Variants in AFDN observed in about 807,000 individuals in gnomAD.
AFDN encodes afadin, adherens junction formation factor.
A neutral mutation model predicts 216.6 loss-of-function variants in AFDN; 68 were observed. The observed-to-expected ratio is 0.31, with a 90% CI of 0.26 to 0.38. The LOEUF is 0.38. Among genes scored for constraint, AFDN ranks in the 10% least tolerant of loss-of-function variants. The pLI, the probability that AFDN is intolerant of heterozygous loss-of-function variation, is 1.00. For missense variants in AFDN, 2,136 were observed against 2,342.0 expected (o/e 0.91, Z 1.82); for synonymous variants, 868 against 853.7 (o/e 1.02, Z -0.29).
intron 31 of AFDN, chr6:167,964,036 A>G (rs1797291291): frequency 1.9e-6 from 2 of 1,064,330 alleles, no homozygotes; most frequent in Non-Finnish European, 2.3e-6. Context: ...ACGGCAGCAC[A>G]GTGCACATGC....
At chr6:167,968,902 A>C (rs1362733165) in intron 32 of AFDN, 1 of 524,464 alleles carries the variant, frequency 1.9e-6, no homozygotes, top group Non-Finnish European at 3.4e-6. Context: ...TCAACATTTT[A>C]GCACCTTTTG....
intron 12 of AFDN, among the ~76,000 whole-genome samples, chr6:167,905,694 G>C (rs965402321): frequency 6.6e-6 from 1 of 151,736 alleles, no homozygotes; most frequent in Non-Finnish European, 1.5e-5. Context: ...TAGTATGTAA[G>C]CATATAAACA....
At position 167,902,260 on chromosome 6, in the gene AFDN, C is replaced by T. The variant is rs1789075388; in HGVS notation, c.1581-57C>T. 9 of 1,262,776 alleles carry T rather than the reference C, an allele frequency of 7.1e-6. No homozygotes were observed. In the Admixed American group the frequency reaches 1.0e-4, roughly 14 times the overall value. 78.2% of individuals were successfully genotyped at this position (1,262,776 alleles called of 1,614,324 possible). ...TTCTTCCTTGTGTATTAAGAAGAGA[C>T]TATGCCTGTCATTGGAATGTTATTA... On this transcript the variant is annotated intron_variant, in intron 11 of 33. Transcript: ENST00000683244.
intron 19 of AFDN, among the ~76,000 whole-genome samples, chr6:167,915,663 A>G (rs1278585961): frequency 6.6e-6 from 1 of 152,268 alleles, no homozygotes; most frequent in East Asian, 1.9e-4. Context: ...TTAAGTACTT[A>G]AGCCTGAATA....
At chr6:167,936,142 T>G (rs1793973606) in intron 23 of AFDN, among the ~76,000 whole-genome samples, 2 of 152,376 alleles carry the variant, frequency 1.3e-5, no homozygotes, top group South Asian at 4.1e-4. Context: ...ATACTAAGTC[T>G]CTGCATTTCC....
chr6:167,900,342 A>G (rs1393390962), intron 11 of AFDN, among the ~76,000 whole-genome samples: 1 of 152,154 alleles, frequency 6.6e-6, no homozygotes, highest in Non-Finnish European at 1.5e-5. Flanking sequence ...TTTGATATTG[A>G]TAGTTTGGGA....
rs144607511 is a variant in AFDN at position 167,920,838 on chromosome 6, T to A, written c.2908+1905T>A. On this transcript the variant is annotated intron_variant, in intron 21 of 33. Transcript: ENST00000683244. ...CACTTACTTATTTTCTTAATTCTAA[T>A]CAGGCGTCCTTTTATGTGGAAAACC... is the stretch of plus-strand genomic sequence containing the variant. Among the ~76,000 whole-genome samples, 174 of 152,340 alleles carry A rather than the reference T, an allele frequency of 1.1e-3. 2 individuals carry two copies. Among genetic ancestry groups the A allele is most frequent in the African/African-American group, 4.1e-3 (172 of 41,582 alleles).
chr6:167,862,438 C>T (rs1277430000), intron 1 of AFDN, among the ~76,000 whole-genome samples: 1 of 151,760 alleles, frequency 6.6e-6, no homozygotes, highest in Non-Finnish European at 1.5e-5. Flanking sequence ...TGCAGTGGCG[C>T]GATCTTGGCT....
chr6:167,913,332 A>T, intron 15 of AFDN, 71 bp from the exon 16 acceptor site: 13 of 1,447,466 alleles, frequency 9.0e-6, no homozygotes, highest in East Asian at 2.5e-5. Context: ...TGATTTTTTT[A>T]AACTATCATG....
Position 167,965,897 on chromosome 6 carries a change from C to T in AFDN, c.5109C>T (p.Ser1703=), listed in dbSNP as rs917484315. The T allele has an allele frequency of 4.5e-6, 7 of 1,549,258 alleles. No homozygotes were observed. Among genetic ancestry groups the T allele is most frequent in the South Asian group, 1.2e-5 (1 of 84,026 alleles). ...PPLPRDYEPP[S]PSPAPGAPPP... is the part of the protein sequence containing the mutation. ...TTCCCCGGGACTACGAGCCCCCGTCCCCGTCCCCCGCGCCCGGCGCCCCTC... is the reference window on the plus strand; with the variant it reads ...TTCCCCGGGACTACGAGCCCCCGTCTCCGTCCCCCGCGCCCGGCGCCCCTC... Residue 1703 remains serine, a synonymous_variant, in exon 32 of 34, where the codon TCC becomes TCT. Transcript: ENST00000683244.
At position 167,962,139 on chromosome 6, in the gene AFDN, T is replaced by C. The variant is rs1057159453; in HGVS notation, c.4834-294T>C. Among the ~76,000 whole-genome samples the C allele has an allele frequency of 2.0e-5, 3 of 152,190 alleles. No homozygotes were observed. Among genetic ancestry groups the C allele is most frequent in the African/African-American group, 7.2e-5 (3 of 41,442 alleles). On this transcript the variant is annotated intron_variant, in intron 30 of 33. Coordinates refer to ENST00000683244, the MANE Select transcript of AFDN (RefSeq NM_001386888.1). This position sits in a 1 kb window ranked among gnomAD's most constrained non-coding sequence, Gnocchi z 5.2. ...AACTAAATTTGTTCCAGTAAAAGAA[T>C]TGTGCTTGTTGAATGTGTGAATGTA...
At chr6:167,876,085 T>G (rs1288405921) in intron 5 of AFDN, among the ~76,000 whole-genome samples, 6 of 152,200 alleles carry the variant, frequency 3.9e-5, no homozygotes, top group Non-Finnish European at 8.8e-5. Flanking sequence ...TGTAACACAT[T>G]GAATGCATGG....
chr6:167,867,697 C>T (rs1056938359), intron 2 of AFDN, among the ~76,000 whole-genome samples: 10 of 152,272 alleles, frequency 6.6e-5, no homozygotes, highest in Admixed American at 6.5e-4. Context: ...TCCCAAAGTG[C>T]TGGGATTACA....
At chr6:167,933,405 A>G (rs1272282322) in intron 23 of AFDN, among the ~76,000 whole-genome samples, 1 of 152,232 alleles carries the variant, frequency 6.6e-6, no homozygotes, top group Non-Finnish European at 1.5e-5. Flanking sequence ...TTAGAGAGTC[A>G]GTTTCTCGCA....
Position 167,952,063 on chromosome 6 carries a change from A to G in AFDN, c.4709A>G (p.Glu1570Gly), listed in dbSNP as rs1305810725. ...GACCGGCTGCGCAAGCTCATGCTGGAGTGGCAGTTCCAGAAGAGACTCCAG... is the reference window on the plus strand; with the variant it reads ...GACCGGCTGCGCAAGCTCATGCTGGGGTGGCAGTTCCAGAAGAGACTCCAG... ...ESDRLRKLML[E>G]WQFQKRLQES... is the part of the protein sequence containing the mutation. Residue 1570 changes from glutamate (E) to glycine (G), a missense_variant, in exon 30 of 34, where the codon GAG (glutamate) becomes GGG (glycine). Transcript: ENST00000683244. 1 of 1,614,120 alleles carries G rather than the reference A, an allele frequency of 6.2e-7. No homozygotes were observed. Among genetic ancestry groups the G allele is most frequent in the Non-Finnish European group, 8.5e-7 (1 of 1,180,014 alleles).
intron 26 of AFDN, among the ~76,000 whole-genome samples, chr6:167,945,291 C>T (rs1389174794): frequency 2.0e-5 from 3 of 152,096 alleles, no homozygotes; most frequent in South Asian, 2.1e-4. Context: ...TCTGGTCCCA[C>T]GGGAAGGTCT....
chr6:167,947,791 A>T, intron 27 of AFDN, 62 bp from the exon 28 acceptor site: 1 of 1,075,832 alleles, frequency 9.3e-7, no homozygotes, highest in Non-Finnish European at 1.4e-6. Context: ...AGGAAATTTC[A>T]TGTTATATAT....
intron 1 of AFDN, among the ~76,000 whole-genome samples, chr6:167,837,401 A>C (rs1268476851): frequency 6.7e-6 from 1 of 148,858 alleles, no homozygotes; most frequent in Non-Finnish European, 1.5e-5. Flanking sequence ...TTTTTTTTTA[A>C]CATTTTATTT....
At chr6:167,849,135 G>T (rs536338861) in intron 1 of AFDN, among the ~76,000 whole-genome samples, 8 of 141,922 alleles carry the variant, frequency 5.6e-5, no homozygotes, top group African/African-American at 2.0e-4. Flanking sequence ...CCTACCTTAT[G>T]GGGTTGTTGT....
Sources: allele counts gnomAD v4.1 joint callset (sites outside exome capture counted in the v4.1 genomes callset), GRCh38; gene constraint gnomAD v4.1.1; non-coding constraint Gnocchi (gnomAD v3.1); transcripts MANE v1.5; gene names NCBI Gene and HGNC (gene_info 2026-07-23, HGNC 2026-07-21).